Variants in OR1C1 observed in about 807,000 individuals in gnomAD.
The protein encoded by OR1C1 is olfactory receptor 1C1.
For synonymous variants in OR1C1, 153 were observed against 154.6 expected (o/e 0.99, Z 0.08); for missense variants, 407 against 384.3 (o/e 1.06, Z -0.49).
At position 247,757,067 on chromosome 1, in the gene OR1C1, A is replaced by G. The variant is rs150886204; in HGVS notation, c.*395T>C. ...TGTTCTACCACATTGTCGAATTAACATTAGAATTTATGCCCCTTTAATTCT... is the reference window on the plus strand; with the variant it reads ...TGTTCTACCACATTGTCGAATTAACGTTAGAATTTATGCCCCTTTAATTCT... On this transcript the variant is annotated 3_prime_UTR_variant, in exon 2 of 2. Transcript: ENST00000641256. 4.1e-4 allele frequency: 67 copies of G among 162,300 alleles called. 2 individuals carry two copies. The highest frequency in any genetic ancestry group is 1.5e-3 in the African/African-American group (64 of 41,792). 10.1% of individuals were successfully genotyped at this position (162,300 alleles called of 1,614,324 possible). A position where few individuals can be genotyped will look rare whatever the true frequency, so the allele number is the denominator to read the frequency against.
chr1:247,758,487 AGTGTGTGTGTGTGT>A (rs61126187), intron 1 of OR1C1, 68 bp from the exon 2 acceptor site: 120 of 596,952 alleles, frequency 2.0e-4, no homozygotes, highest in Non-Finnish European at 2.1e-4. Context: ...AGAGAGAGAC[AGTGTGTGTGTGTGT>A]GTGTGTGTGT....
In OR1C1 at chr1:247,757,407, T is replaced by C; in HGVS notation, c.*55A>G. On this transcript the variant is annotated 3_prime_UTR_variant, in exon 2 of 2. Coordinates refer to ENST00000641256, the MANE Select transcript of OR1C1 (RefSeq NM_012353.3). ...TCTTCTCACTGTTATTGTGAGCATC[T>C]AGTCACACTTTCTTATCACCACATT... 7.5e-7 allele frequency: 1 copy of C among 1,328,910 alleles called. No individual in the cohort carries two copies. The highest frequency in any genetic ancestry group is 1.1e-6 in the Non-Finnish European group (1 of 945,940). 82.3% of individuals were successfully genotyped at this position (1,328,910 alleles called of 1,614,324 possible). A position where few individuals can be genotyped will look rare whatever the true frequency, so the allele number is the denominator to read the frequency against.
rs1558317972 is a variant in OR1C1, at chr1:247,758,091, A to T, written c.316T>A (p.Ser106Thr). ...AGGAGGCTGTCCATATTCACAAAAG[A>T]AACGAAGAAGAAGAGCTGGGTGAGG... Reference protein sequence around the residue: ...GCLTQLFFFVSFVNMDSLLLC... With the variant: ...GCLTQLFFFVTFVNMDSLLLC... The change falls in exon 2 of 2, where the codon TCT becomes ACT. Residue 106 changes from serine (S) to threonine (T), a missense_variant. Ser to Thr is a moderately conservative substitution (Grantham distance 58). Transcript: ENST00000641256. The T allele has an allele frequency of 6.2e-7, 1 of 1,614,152 alleles. No homozygotes were observed. The highest frequency in any genetic ancestry group is 2.2e-5 in the East Asian group (1 of 44,862).
Position 247,757,895 on chromosome 1 carries a change from G to C in OR1C1, c.512C>G (p.Ser171Cys). 6.2e-7 allele frequency: 1 copy of C among 1,614,074 alleles called. No homozygotes were observed. Among genetic ancestry groups the C allele is most frequent in the South Asian group, 1.1e-5 (1 of 91,070 alleles). ...ACAGAAGAAATGATGGATGATATTG[G>C]AGGCACAGAAGGACAGCTGTGCTAT... ...VLIAQLSFCASNIIHHFFCDL... is the reference protein window; with the variant it reads ...VLIAQLSFCACNIIHHFFCDL... The change falls in exon 2 of 2, where the codon TCC (serine) becomes TGC (cysteine). Residue 171 changes from serine (S) to cysteine (C), a missense_variant. By Grantham distance (112) the Ser-to-Cys change is moderately radical. Coordinates refer to ENST00000641256, the MANE Select transcript of OR1C1 (RefSeq NM_012353.3).
rs554796998 is a variant in OR1C1, at chr1:247,758,038, A to C, written c.369T>G (p.Tyr123Ter). Residue 123 changes from tyrosine to a stop codon, truncating the protein, a stop_gained, in exon 2 of 2, where the codon TAT (tyrosine) becomes TAG (stop). Transcript: ENST00000641256. LOFTEE classifies it low-confidence loss of function (END_TRUNC). ...AATGTAAGGGGTGGCAAATCGCCACATATCTATCATACGCCATCACACACA... is the reference window on the plus strand; with the variant it reads ...AATGTAAGGGGTGGCAAATCGCCACCTATCTATCATACGCCATCACACACA... Reference protein sequence around the residue: ...LLLCVMAYDRYVAICHPLHYT... With the variant: ...LLLCVMAYDR 1 of 1,614,136 alleles carries C rather than the reference A, an allele frequency of 6.2e-7. No individual in the cohort carries two copies. Among genetic ancestry groups the C allele is most frequent in the African/African-American group, 1.3e-5 (1 of 75,044 alleles).
rs748863839 is a variant in OR1C1, at chr1:247,758,075, T to C, written c.332A>G (p.Asp111Gly). The change falls in exon 2 of 2, where the codon GAC becomes GGC. Residue 111 changes from aspartate to glycine, a missense_variant. Physicochemically the swap from Asp to Gly is moderately conservative, Grantham distance 94. Coordinates refer to ENST00000641256, the MANE Select transcript of OR1C1 (RefSeq NM_012353.3). Reference protein sequence around the residue: ...LFFFVSFVNMDSLLLCVMAYD... With the variant: ...LFFFVSFVNMGSLLLCVMAYD... ...CGCCATCACACACAGAAGGAGGCTG[T>C]CCATATTCACAAAAGAAACGAAGAA... The C allele has an allele frequency of 4.3e-6, 7 of 1,613,908 alleles. No homozygotes were observed. The Admixed American group carries it at 5.0e-5, about 12-fold the overall frequency.
chr1:247,754,880 AC>A lies in OR1C1; in HGVS notation c.*2581del, dbSNP rs1661182243. 1 of 152,146 alleles carries A rather than the reference AC, an allele frequency of 6.6e-6. No homozygotes were observed. The allele number at this position is 152,146 out of a possible 1,614,324, so 9.4% of individuals were successfully genotyped here. ...ATACCTGTACATTATATTTATCAAA[AC>A]ATCCCTGTGTACTCCATAAGTGTGT... On this transcript the variant is annotated 3_prime_UTR_variant, in exon 2 of 2. Transcript: ENST00000641256.
chr1:247,756,898 G>A lies in OR1C1; in HGVS notation c.*564C>T, dbSNP rs1661219689. ...TTCCTCCATGCCTGAGATCAGTTAGGGACACACATGACAAGGACATGTGTC... is the reference window on the plus strand; with the variant it reads ...TTCCTCCATGCCTGAGATCAGTTAGAGACACACATGACAAGGACATGTGTC... On this transcript the variant is annotated 3_prime_UTR_variant, in exon 2 of 2. Coordinates refer to ENST00000641256, the MANE Select transcript of OR1C1 (RefSeq NM_012353.3). This position sits in a 1 kb window ranked among gnomAD's most constrained non-coding sequence, Gnocchi z 4.3. 6.6e-6 allele frequency: 1 copy of A among 151,274 alleles called. No homozygotes were observed. The allele number at this position is 151,274 out of a possible 1,614,324, so 9.4% of individuals were successfully genotyped here.
At position 247,758,009 on chromosome 1, in the gene OR1C1, G is replaced by T. The variant is rs760018013; in HGVS notation, c.398C>A (p.Thr133Asn). 5 of 1,613,994 alleles carry T rather than the reference G, an allele frequency of 3.1e-6. No homozygotes were observed. The highest frequency in any genetic ancestry group is 1.7e-5 in the Admixed American group (1 of 59,990). The change falls in exon 2 of 2, where the codon ACC becomes AAC. Residue 133 changes from threonine (T) to asparagine (N), a missense_variant. Transcript: ENST00000641256. ...YVAICHPLHYTARMNLCLCVQ... is the reference protein window; with the variant it reads ...YVAICHPLHYNARMNLCLCVQ... ...ACAAAGGCACAGGTTCATTCTGGCGGTGTAATGTAAGGGGTGGCAAATCGC... is the reference window on the plus strand; with the variant it reads ...ACAAAGGCACAGGTTCATTCTGGCGTTGTAATGTAAGGGGTGGCAAATCGC...
At position 247,758,436 on chromosome 1, in the gene OR1C1, T is replaced by C. The variant is rs765885731; in HGVS notation, c.-13-17A>G. On this transcript the variant is annotated splice_polypyrimidine_tract_variant and intron_variant, in intron 1 of 1. Transcript: ENST00000641256. ...CCAACAAATCTAGAAAAATAAGTTA[T>C]TAAATTGTAAAAGCCAGCAGTGTTA... 3 of 1,370,918 alleles carry C rather than the reference T, an allele frequency of 2.2e-6. No homozygotes were observed. The highest frequency in any genetic ancestry group is 1.3e-5 in the South Asian group (1 of 79,524). 84.9% of individuals were successfully genotyped at this position (1,370,918 alleles called of 1,614,324 possible). A position where few individuals can be genotyped will look rare whatever the true frequency, so the allele number is the denominator to read the frequency against.
rs367592350 is a variant in OR1C1 at position 247,758,251 on chromosome 1, G to A, written c.156C>T (p.Asp52=). Residue 52 remains aspartate (D), a synonymous_variant, in exon 2 of 2, where the codon GAC becomes GAT. Coordinates refer to ENST00000641256, the MANE Select transcript of OR1C1 (RefSeq NM_012353.3). ...AGTACATAGGGGAATGGAGGTGAGAGTCAAAGCCAATCGTCGCAATGATGA... is the reference window on the plus strand; with the variant it reads ...AGTACATAGGGGAATGGAGGTGAGAATCAAAGCCAATCGTCGCAATGATGA... ...NMLIIATIGF[D]SHLHSPMYFF... is the part of the protein sequence containing the mutation. 1.2e-6 allele frequency: 2 copies of A among 1,613,954 alleles called. No homozygotes were observed. Among genetic ancestry groups the A allele is most frequent in the African/African-American group, 2.7e-5 (2 of 74,912 alleles).
rs931853891 is a variant in OR1C1 at position 247,760,535 on chromosome 1, T to C, written c.-137A>G. 3.3e-5 allele frequency: 5 copies of C among 152,138 alleles called. No homozygotes were observed. Among genetic ancestry groups the C allele is most frequent in the African/African-American group, 1.2e-4 (5 of 41,442 alleles). The allele number at this position is 152,138 out of a possible 1,614,324, so 9.4% of individuals were successfully genotyped here. A position where few individuals can be genotyped will look rare whatever the true frequency, so the allele number is the denominator to read the frequency against. On this transcript the variant is annotated 5_prime_UTR_variant, in exon 1 of 2. The change creates a new upstream start codon in the 5' untranslated region. Coordinates refer to ENST00000641256, the MANE Select transcript of OR1C1 (RefSeq NM_012353.3). ...AAGAGTGAAAAAGAGAAGAATGAGA[T>C]ATAGACAAGTGTGTTTCTTTCGACA...
Position 247,758,003 on chromosome 1 carries a change from CT to C in OR1C1, c.403del (p.Arg135GlufsTer2). On this transcript the variant is annotated frameshift_variant, in exon 2 of 2. Coordinates refer to ENST00000641256, the MANE Select transcript of OR1C1 (RefSeq NM_012353.3). LOFTEE classifies it low-confidence loss of function (END_TRUNC). ...CTGGACACAAAGGCACAGGTTCATTCTGGCGGTGTAATGTAAGGGGTGGCAA... is the reference window on the plus strand; with the variant it reads ...CTGGACACAAAGGCACAGGTTCATTCGGCGGTGTAATGTAAGGGGTGGCAA... ...AICHPLHYTA[R>X]MNLCLCVQLV... is the part of the protein sequence containing the mutation. 1.2e-6 allele frequency: 2 copies of C among 1,614,140 alleles called. No individual in the cohort carries two copies. The highest frequency in any genetic ancestry group is 4.5e-5 in the East Asian group (2 of 44,876).
rs1004609644 is a variant in OR1C1 at position 247,754,904 on chromosome 1, T to C, written c.*2558A>G. On this transcript the variant is annotated 3_prime_UTR_variant, in exon 2 of 2. Transcript: ENST00000641256. Reference sequence around the variant, plus strand: ...AACATCCCTGTGTACTCCATAAGTGTGTATGATTATTTTATGCCAATTAAA... The same window carrying C: ...AACATCCCTGTGTACTCCATAAGTGCGTATGATTATTTTATGCCAATTAAA... 1.3e-5 allele frequency: 2 copies of C among 152,156 alleles called. No individual in the cohort carries two copies. Among genetic ancestry groups the C allele is most frequent in the Non-Finnish European group, 2.9e-5 (2 of 68,008 alleles). The allele number at this position is 152,156 out of a possible 1,614,324, so 9.4% of individuals were successfully genotyped here. A position where few individuals can be genotyped will look rare whatever the true frequency, so the allele number is the denominator to read the frequency against.
intron 1 of OR1C1, 139 bp downstream of exon 1, chr1:247,760,273 A>G (rs1661308021): frequency 6.6e-6 from 1 of 152,180 alleles, no homozygotes; most frequent in Non-Finnish European, 1.5e-5. Flanking sequence ...AAATTTTCTC[A>G]ACTAGGATTT....
intron 1 of OR1C1, among the ~76,000 whole-genome samples, chr1:247,760,082 C>T (rs1255877916): frequency 6.6e-6 from 1 of 152,060 alleles, no homozygotes; most frequent in Non-Finnish European, 1.5e-5. Context: ...ATATTGAATC[C>T]TTAGGATATA....
At position 247,757,656 on chromosome 1, in the gene OR1C1, A is replaced by G. The variant is rs1201212841; in HGVS notation, c.751T>C (p.Phe251Leu). The G allele has an allele frequency of 6.2e-7, 1 of 1,614,046 alleles. No homozygotes were observed. Among genetic ancestry groups the G allele is most frequent in the Admixed American group, 1.7e-5 (1 of 59,978 alleles). The stretch of plus-strand genomic sequence containing the variant: ...TAGACGGCGATGGCTGTGCCGTAAA[A>G]CAACACCACCACTGACAGGTGGCAG... Reference protein sequence around the residue: ...CSCHLSVVVLFYGTAIAVYFS... With the variant: ...CSCHLSVVVLLYGTAIAVYFS... Residue 251 changes from phenylalanine (F) to leucine (L), a missense_variant, in exon 2 of 2, where the codon TTT becomes CTT. Phe to Leu is a conservative substitution (Grantham distance 22). Coordinates refer to ENST00000641256, the MANE Select transcript of OR1C1 (RefSeq NM_012353.3).
Position 247,758,226 on chromosome 1 carries a change from A to G in OR1C1, c.181T>C (p.Phe61Leu). The change falls in exon 2 of 2, where the codon TTC (phenylalanine) becomes CTC (leucine). Residue 61 changes from phenylalanine to leucine, a missense_variant. Physicochemically the swap from Phe to Leu is conservative, Grantham distance 22 (BLOSUM62 0). Transcript: ENST00000641256. ...FDSHLHSPMYFFLSNLAFVDI... is the reference protein window; with the variant it reads ...FDSHLHSPMYLFLSNLAFVDI... ...ACAAAGGCCAAGTTACTAAGGAAGA[A>G]GTACATAGGGGAATGGAGGTGAGAG... is the stretch of plus-strand genomic sequence containing the variant. 1 of 1,614,064 alleles carries G rather than the reference A, an allele frequency of 6.2e-7. No homozygotes were observed. Among genetic ancestry groups the G allele is most frequent in the Non-Finnish European group, 8.5e-7 (1 of 1,179,994 alleles).
In OR1C1 at chr1:247,758,209, C is replaced by A. The variant is rs1236389792; in HGVS notation, c.198G>T (p.Leu66Phe). Reference sequence around the variant, plus strand: ...ACGTAAAGCAGATGTCAACAAAGGCCAAGTTACTAAGGAAGAAGTACATAG... The same window carrying A: ...ACGTAAAGCAGATGTCAACAAAGGCAAAGTTACTAAGGAAGAAGTACATAG... ...HSPMYFFLSN[L>F]AFVDICFTST... Residue 66 changes from leucine to phenylalanine, a missense_variant, in exon 2 of 2, where the codon TTG becomes TTT. Leu to Phe is a conservative substitution (Grantham distance 22, BLOSUM62 0). Coordinates refer to ENST00000641256, the MANE Select transcript of OR1C1 (RefSeq NM_012353.3). 2.5e-6 allele frequency: 4 copies of A among 1,613,948 alleles called. No individual in the cohort carries two copies. In the Admixed American group the frequency reaches 6.7e-5, roughly 27 times the overall value.
Sources: allele counts gnomAD v4.1 joint callset (sites outside exome capture counted in the v4.1 genomes callset), GRCh38; gene constraint gnomAD v4.1.1; non-coding constraint Gnocchi (gnomAD v3.1); transcripts MANE v1.5; gene names NCBI Gene and HGNC (gene_info 2026-07-23, HGNC 2026-07-21).